The following CRPPA variants were observed in gnomAD, a reference collection of about 807,000 sequenced individuals.
CRPPA encodes the protein D-ribitol-5-phosphate cytidylyltransferase.
In CRPPA, 43 loss-of-function variants were observed where a neutral mutation model predicts 52.0. That is an observed-to-expected ratio of 0.83 (90% CI 0.65 to 1.07). The LOEUF (loss-of-function observed/expected upper bound fraction) is 1.07. CRPPA is among the 50% of genes least tolerant of loss of function. The probability of loss-of-function intolerance (pLI) is 0.00; values close to 1 mark genes in which losing one functional copy is unlikely to be tolerated. For synonymous variants in CRPPA, 250 were observed against 203.5 expected (o/e 1.23, Z -1.94); for missense variants, 629 against 551.7 (o/e 1.14, Z -1.40).
chr7:16,340,265 A>G (rs1265292502), intron 3 of CRPPA, among the ~76,000 whole-genome samples: 2 of 152,090 alleles, frequency 1.3e-5, no homozygotes, highest in Non-Finnish European at 2.9e-5. Flanking sequence ...AATAAAGATT[A>G]AGTTTCTGCT....
At chr7:16,368,247 T>C (rs953400766) in intron 3 of CRPPA, among the ~76,000 whole-genome samples, 6 of 152,230 alleles carry the variant, frequency 3.9e-5, no homozygotes, top group Admixed American at 2.0e-4. Context: ...TTCATGTTCC[T>C]GAAGATCGCA....
chr7:16,409,821 A>G (rs983431308), intron 1 of CRPPA, among the ~76,000 whole-genome samples: 1 of 152,220 alleles, frequency 6.6e-6, no homozygotes, highest in Non-Finnish European at 1.5e-5. Flanking sequence ...ATTTTTCAAG[A>G]TAATACAACA....
At position 16,126,303 on chromosome 7, in the gene CRPPA, G is replaced by A. The variant is rs1003314529; in HGVS notation, c.1252-34504C>T. Among the ~76,000 whole-genome samples the A allele has an allele frequency of 4.6e-5, 7 of 152,192 alleles. No individual in the cohort carries two copies. In the East Asian group the frequency reaches 5.8e-4, roughly 13 times the overall value. ...GCACTTTGTCCAGAGAAATACCAGT[G>A]TCTTAGGTTTCTGGGAAATCCTAGA... is the stretch of plus-strand genomic sequence containing the variant. On this transcript the variant is annotated intron_variant, in intron 9 of 9. Transcript: ENST00000407010.
intron 8 of CRPPA, chr7:16,216,444 T>C (rs554059798): frequency 5.0e-4 from 171 of 340,674 alleles, no homozygotes; most frequent in Middle Eastern, 8.9e-4. Context: ...GGAGCCAAGA[T>C]GGCCGAGTAG....
intron 9 of CRPPA, among the ~76,000 whole-genome samples, chr7:16,119,993 T>C (rs112739274): frequency 0.015 from 2,346 of 152,264 alleles, 29 homozygotes; most frequent in Non-Finnish European, 0.024. Flanking sequence ...TTTAGGAATC[T>C]AGTGGAAGTC....
intron 9 of CRPPA, among the ~76,000 whole-genome samples, chr7:16,204,680 C>T (rs1427966834): frequency 6.6e-6 from 1 of 152,028 alleles, no homozygotes; most frequent in African/African-American, 2.4e-5. Context: ...GCCACCATAC[C>T]TAAGTCAAAC....
chr7:16,303,477 T>TA (rs545663821), intron 4 of CRPPA, among the ~76,000 whole-genome samples: 988 of 44,938 alleles, frequency 0.022, 84 homozygotes, highest in Middle Eastern at 0.087. Flanking sequence ...CATAAAATAG[T>TA]AAAAAAAAAA....
chr7:16,339,819 T>C (rs1210689376), intron 3 of CRPPA, among the ~76,000 whole-genome samples: 4 of 152,136 alleles, frequency 2.6e-5, no homozygotes, highest in Non-Finnish European at 5.9e-5. Context: ...GAGTAAGCCA[T>C]TATGTCAAGA....
intron 8 of CRPPA, among the ~76,000 whole-genome samples, chr7:16,246,550 C>A (rs1446866678): frequency 6.6e-6 from 1 of 152,164 alleles, no homozygotes; most frequent in Admixed American, 6.6e-5. Context: ...TAGCCTTACA[C>A]AAGGTATTTC....
chr7:16,304,885 T>C (rs944103967), intron 4 of CRPPA, among the ~76,000 whole-genome samples: 15 of 152,226 alleles, frequency 9.9e-5, no homozygotes, highest in South Asian at 8.3e-4. Flanking sequence ...GCCTCAATTA[T>C]GTCCAAATAT....
chr7:16,155,668 A>G (rs1783164330), intron 9 of CRPPA, among the ~76,000 whole-genome samples: 1 of 152,248 alleles, frequency 6.6e-6, no homozygotes, highest in Admixed American at 6.5e-5. Context: ...TATATGACAC[A>G]TATACAAAAT....
intron 9 of CRPPA, among the ~76,000 whole-genome samples, chr7:16,095,087 C>T (rs981687540): frequency 1.6e-4 from 25 of 152,108 alleles, no homozygotes; most frequent in Admixed American, 4.6e-4. Context: ...GAACTCTCTG[C>T]GGCATCCTCT....
At position 16,254,838 on chromosome 7, in the gene CRPPA, A is replaced by AAAGAAAGG. The variant is rs1783586478; in HGVS notation, c.1119+3551_1119+3552insCCTTTCTT. ...GAAAGAAAGAAAGAAAGAAAGAAAG[A>AAAGAAAGG]AAGAAAGAGAAAGAAGAAAGAAAGA... On this transcript the variant is annotated intron_variant, in intron 8 of 9. Coordinates refer to ENST00000407010, the MANE Select transcript of CRPPA (RefSeq NM_001101426.4). Among the ~76,000 whole-genome samples the AAAGAAAGG allele has an allele frequency of 2.0e-5, 3 of 150,390 alleles. No homozygotes were observed. In the Admixed American group the frequency reaches 2.0e-4, roughly 10 times the overall value.
intron 8 of CRPPA, chr7:16,237,451 A>G (rs886652220): frequency 2.2e-4 from 33 of 152,076 alleles, no homozygotes; most frequent in African/African-American, 8.0e-4. Context: ...AATGGCATTA[A>G]TCTCATTGAT....
chr7:16,277,364 C>CAAAAAA (rs35386502), intron 6 of CRPPA: 8 of 77,660 alleles, frequency 1.0e-4, no homozygotes, highest in East Asian at 3.6e-4. Flanking sequence ...GACTCCATCT[C>CAAAAAA]AAAAAAAAAA....
At chr7:16,146,355 C>A (rs1299506378) in intron 9 of CRPPA, among the ~76,000 whole-genome samples, 2 of 152,018 alleles carry the variant, frequency 1.3e-5, no homozygotes, top group Non-Finnish European at 2.9e-5. Context: ...CACTACTAGA[C>A]CTGCCTGACA....
At chr7:16,364,252 T>G (rs1370951872) in intron 3 of CRPPA, among the ~76,000 whole-genome samples, 1 of 152,216 alleles carries the variant, frequency 6.6e-6, no homozygotes, top group Non-Finnish European at 1.5e-5. Flanking sequence ...GTGTCCATCC[T>G]AAAAGCACTG....
intron 9 of CRPPA, among the ~76,000 whole-genome samples, chr7:16,172,390 G>T (rs947800940): frequency 6.6e-6 from 1 of 152,124 alleles, no homozygotes; most frequent in African/African-American, 2.4e-5. Flanking sequence ...GGAAAAAATG[G>T]TAAAGAGCAG....
At chr7:16,316,664 C>A (rs1377993582) in intron 3 of CRPPA, among the ~76,000 whole-genome samples, 1 of 152,000 alleles carries the variant, frequency 6.6e-6, no homozygotes, top group African/African-American at 2.4e-5. Context: ...GAGTTCAAGA[C>A]CAGCCTGGGC....
Sources: gnomAD v4.1 joint callset for allele counts (sites outside exome capture counted in the v4.1 genomes callset) on GRCh38, gnomAD v4.1.1 for gene constraint, MANE v1.5 for transcripts, NCBI Gene and HGNC (gene_info 2026-07-23, HGNC 2026-07-21) for gene names.